FCRL3: variants seen among roughly 807,000 people sequenced by gnomAD.
The protein encoded by FCRL3 is Fc receptor like 3.
In FCRL3, 89 loss-of-function variants were observed where a neutral mutation model predicts 75.0. The observed-to-expected ratio is 1.19, with a 90% CI of 1.00 to 1.42. The LOEUF (loss-of-function observed/expected upper bound fraction) is 1.42, where lower values mean the gene tolerates loss of function less well. Ranked by LOEUF, FCRL3 falls within the 40% of genes most tolerant of loss-of-function variation. The pLI, the probability that FCRL3 is intolerant of heterozygous loss-of-function variation, is 0.00. For synonymous variants in FCRL3, 376 were observed against 348.5 expected (o/e 1.08, Z -0.88); for missense variants, 946 against 880.0 (o/e 1.07, Z -0.95).
At position 157,678,240 on chromosome 1, in the gene FCRL3, A is replaced by C. The variant is rs1654585351; in HGVS notation, c.*470T>G. On this transcript the variant is annotated 3_prime_UTR_variant, in exon 15 of 15. Transcript: ENST00000368184. The stretch of plus-strand genomic sequence containing the variant: ...TCTATAACTTCTTTTGGCTGTTCCC[A>C]ATATGGTAGCAAGGATACAGCATAT... The C allele has an allele frequency of 7.1e-6, 7 of 988,664 alleles. 1 individual carries two copies. In the South Asian group the frequency reaches 2.8e-4, roughly 39 times the overall value. The allele number at this position is 988,664 out of a possible 1,614,324, so 61.2% of individuals were successfully genotyped here. A position where few individuals can be genotyped will look rare whatever the true frequency, so the allele number is the denominator to read the frequency against.
intron 8 of FCRL3, among the ~76,000 whole-genome samples, chr1:157,692,638 A>G (rs1655625147): frequency 6.6e-6 from 1 of 152,242 alleles, no homozygotes; most frequent in Non-Finnish European, 1.5e-5. Flanking sequence ...AAGTTCTAAA[A>G]AGAGGAATTA....
rs1656055524 is a variant in FCRL3 at position 157,697,896 on chromosome 1, G to A, written c.322C>T (p.His108Tyr). 1.2e-6 allele frequency: 2 copies of A among 1,613,840 alleles called. No individual in the cohort carries two copies. Among genetic ancestry groups the A allele is most frequent in the South Asian group, 1.1e-5 (1 of 91,088 alleles). ...ACATTGTCTCCTTCAAAGACAGGATGTAAAGCCTGCAGGATCAGCCAGTCT... is the reference window on the plus strand; with the variant it reads ...ACATTGTCTCCTTCAAAGACAGGATATAAAGCCTGCAGGATCAGCCAGTCT... ...SPDWLILQALHPVFEGDNVIL... is the reference protein window; with the variant it reads ...SPDWLILQALYPVFEGDNVIL... Residue 108 changes from histidine to tyrosine, a missense_variant, in exon 5 of 15, where the codon CAT becomes TAT. Transcript: ENST00000368184.
chr1:157,679,845 A>AAAG (rs2101584968), intron 13 of FCRL3, among the ~76,000 whole-genome samples: 1 of 148,542 alleles, frequency 6.7e-6, no homozygotes, highest in Non-Finnish European at 1.5e-5. Context: ...AAAAAAAAAA[A>AAAG]AAAAAAAAAA....
intron 10 of FCRL3, among the ~76,000 whole-genome samples, chr1:157,688,550 T>C (rs1269256888): frequency 6.7e-6 from 1 of 150,158 alleles, no homozygotes; most frequent in African/African-American, 2.5e-5. Flanking sequence ...AGTAAGGATA[T>C]AGAGGAATTG....
chr1:157,688,006 A>G (rs1313777138), intron 10 of FCRL3, among the ~76,000 whole-genome samples: 1 of 152,178 alleles, frequency 6.6e-6, no homozygotes, highest in Non-Finnish European at 1.5e-5. Flanking sequence ...TAAAAAATCA[A>G]TTATTCCAAA....
chr1:157,683,073 T>C (rs1329215054), intron 11 of FCRL3, 144 bp downstream of exon 11: 8 of 839,000 alleles, frequency 9.5e-6, no homozygotes, highest in Non-Finnish European at 1.3e-5. Flanking sequence ...GAAAGTGACA[T>C]TCACTTATAT....
In FCRL3 at chr1:157,681,110, G is replaced by T. The variant is rs375653960; in HGVS notation, c.1839-11C>A. The T allele has an allele frequency of 2.6e-6, 4 of 1,514,912 alleles. No homozygotes were observed. The South Asian group carries it at 5.4e-5, about 20-fold the overall frequency. 93.8% of individuals were successfully genotyped at this position (1,514,912 alleles called of 1,614,324 possible). ...TCACTAGGACTGTGACTGTGACAGA[G>T]GGGGAGAGAATGGATTAAAAAGTAT... is the stretch of plus-strand genomic sequence containing the variant. On this transcript the variant is annotated splice_polypyrimidine_tract_variant and intron_variant, in intron 11 of 14. Coordinates refer to ENST00000368184, the MANE Select transcript of FCRL3 (RefSeq NM_052939.4).
rs1474969350 is a variant in FCRL3, at chr1:157,678,554, C to G, written c.*156G>C. 6.7e-7 allele frequency: 1 copy of G among 1,482,294 alleles called. No homozygotes were observed. Among genetic ancestry groups the G allele is most frequent in the African/African-American group, 1.4e-5 (1 of 71,248 alleles). The allele number at this position is 1,482,294 out of a possible 1,614,324, so 91.8% of individuals were successfully genotyped here. A position where few individuals can be genotyped will look rare whatever the true frequency, so the allele number is the denominator to read the frequency against. On this transcript the variant is annotated 3_prime_UTR_variant, in exon 15 of 15. Transcript: ENST00000368184. ...CTTCCTGGGGAACACACAGATCAGGCACAGGGGAGATTTGCAGACCTTTTG... is the reference window on the plus strand; with the variant it reads ...CTTCCTGGGGAACACACAGATCAGGGACAGGGGAGATTTGCAGACCTTTTG...
rs542100414 is a variant in FCRL3, at chr1:157,689,927, G to A, written c.1691-10C>T. ...CTGTTCCTGGAAGTTCCTGAGTGGA[G>A]GGAGCTGTACTTGAGTTTCAGTGGC... On this transcript the variant is annotated splice_polypyrimidine_tract_variant and intron_variant, in intron 9 of 14. Coordinates refer to ENST00000368184, the MANE Select transcript of FCRL3 (RefSeq NM_052939.4). 1 of 1,614,088 alleles carries A rather than the reference G, an allele frequency of 6.2e-7. No homozygotes were observed. The highest frequency in any genetic ancestry group is 1.7e-5 in the Admixed American group (1 of 60,028).
At chr1:157,687,954 A>G (rs1465314166) in intron 10 of FCRL3, among the ~76,000 whole-genome samples, 1 of 152,164 alleles carries the variant, frequency 6.6e-6, no homozygotes, top group Non-Finnish European at 1.5e-5. Context: ...AAATTTTTAA[A>G]AAGTTATGGC....
chr1:157,679,765 G>T (rs1371473230), intron 13 of FCRL3, among the ~76,000 whole-genome samples: 1 of 124,842 alleles, frequency 8.0e-6, no homozygotes, highest in East Asian at 2.8e-4. Flanking sequence ...GGAGGCAGAA[G>T]TTGAAATGAG....
chr1:157,681,613 G>A (rs958578802), intron 11 of FCRL3, among the ~76,000 whole-genome samples: 2 of 152,112 alleles, frequency 1.3e-5, no homozygotes, highest in African/African-American at 4.8e-5. Flanking sequence ...TGGTGTATAT[G>A]TGCCACATTT....
chr1:157,697,275 A>G lies in FCRL3; in HGVS notation c.709T>C (p.Leu237=). ...SLFRDSQTLG[L]GWSRSPRLQI... The stretch of plus-strand genomic sequence containing the variant: ...AGTCTGGGGGACCTGCTCCAGCCCA[A>G]TCCGAGGGTCTGGCTATCTCTGAAG... Residue 237 remains leucine, a synonymous_variant, in exon 6 of 15, where the codon TTG becomes CTG. Coordinates refer to ENST00000368184, the MANE Select transcript of FCRL3 (RefSeq NM_052939.4). 1 of 1,612,556 alleles carries G rather than the reference A, an allele frequency of 6.2e-7. No homozygotes were observed. Among genetic ancestry groups the G allele is most frequent in the Non-Finnish European group, 8.5e-7 (1 of 1,179,096 alleles).
Position 157,690,499 on chromosome 1 carries a change from A to G in FCRL3, c.1446T>C (p.Ala482=), listed in dbSNP as rs1262835043. 3.7e-6 allele frequency: 6 copies of G among 1,614,230 alleles called. No individual in the cohort carries two copies. The highest frequency in any genetic ancestry group is 3.3e-5 in the Admixed American group (2 of 60,032). Residue 482 remains alanine (A), a synonymous_variant, in exon 9 of 15, where the codon GCT becomes GCC. Coordinates refer to ENST00000368184, the MANE Select transcript of FCRL3 (RefSeq NM_052939.4). ...PVSRPVLTLR[A]PGAQAVVGDL... ...CCCCCACCACAGCCTGGGCCCCGGG[A>G]GCCCTGAGGGTGAGGACGGGGCGAG...
chr1:157,697,528 G>T (rs1656012842), intron 5 of FCRL3, 104 bp from the exon 6 acceptor site: 1 of 1,466,628 alleles, frequency 6.8e-7, no homozygotes, highest in Non-Finnish European at 9.2e-7. Flanking sequence ...AGAGAAGCAT[G>T]CAGAAGGAAC....
intron 11 of FCRL3, 49 bp downstream of exon 11, chr1:157,683,168 T>A (rs751276568): frequency 6.3e-7 from 1 of 1,594,814 alleles, no homozygotes; most frequent in Non-Finnish European, 8.5e-7. Flanking sequence ...GTCTCGTGCA[T>A]ATAAATAAAT....
chr1:157,690,564 T>C (rs760140488), intron 8 of FCRL3, 31 bp from the exon 9 acceptor site: 2 of 1,609,378 alleles, frequency 1.2e-6, no homozygotes, highest in Admixed American at 3.4e-5. Context: ...CACTGGCAGT[T>C]TTACTTAAGT....
chr1:157,680,259 G>C (rs1654753407), intron 13 of FCRL3, among the ~76,000 whole-genome samples: 1 of 152,206 alleles, frequency 6.6e-6, no homozygotes, highest in Non-Finnish European at 1.5e-5. Flanking sequence ...GGGTGTCATT[G>C]AGGGCAGTTA....
In FCRL3 at chr1:157,699,675, GAGA is replaced by G. The variant is rs897221176; in HGVS notation, c.52+14_52+16del. The G allele has an allele frequency of 3.1e-6, 5 of 1,613,556 alleles. No individual in the cohort carries two copies. Among genetic ancestry groups the G allele is most frequent in the African/African-American group, 2.7e-5 (2 of 75,002 alleles). ...AATATCCAGAGACCAGAGGGGCAGA[GAGA>G]AGGAGAAACTTACCTGATTGTTCTC... On this transcript the variant is annotated intron_variant, in intron 3 of 14. Transcript: ENST00000368184.
Sources: gnomAD v4.1 joint callset for allele counts (sites outside exome capture counted in the v4.1 genomes callset) on GRCh38, gnomAD v4.1.1 for gene constraint, MANE v1.5 for transcripts, NCBI Gene and HGNC (gene_info 2026-07-23, HGNC 2026-07-21) for gene names.